Variants in XKR4 observed in about 807,000 individuals in gnomAD.
XKR4 encodes the protein XK-related protein 4.
XKR4 carries 12 observed loss-of-function variants against 53.9 expected under a neutral mutation model. The ratio of observed to expected loss-of-function variants is 0.22; its 90% CI spans 0.14 to 0.36. The LOEUF is 0.36. Among genes scored for constraint, XKR4 ranks in the 10% least tolerant of loss-of-function variants. The pLI, the probability that XKR4 is intolerant of heterozygous loss-of-function variation, is 1.00. For synonymous variants in XKR4, 354 were observed against 362.4 expected, an observed-to-expected ratio of 0.98 and a Z score of 0.26; for missense variants, 799 against 859.5, an observed-to-expected ratio of 0.93 and a Z score of 0.88.
At chr8:55,443,493 C>T (rs1056456828) in intron 2 of XKR4, among the ~76,000 whole-genome samples, 2 of 61,382 alleles carry the variant, frequency 3.3e-5, no homozygotes, top group African/African-American at 1.4e-4. Flanking sequence ...AAGAAAGAAA[C>T]AATACTGTTT....
At chr8:55,140,426 C>T (rs1321124966) in intron 1 of XKR4, among the ~76,000 whole-genome samples, 1 of 152,210 alleles carries the variant, frequency 6.6e-6, no homozygotes, top group African/African-American at 2.4e-5. Context: ...CAAGATGCTC[C>T]TGTTGCTGGG....
chr8:55,237,706 G>A lies in XKR4; in HGVS notation c.807-119972G>A, dbSNP rs575245001. 5.3e-4 allele frequency among the ~76,000 whole-genome samples: 80 copies of A among 152,238 alleles called. 1 individual carries two copies. In the South Asian group the frequency reaches 0.016, roughly 31 times the overall value. ...GAAGAACTAATACAAGGACTAAAGG[G>A]GATGAACACTGTGTGATGAACATGA... On this transcript the variant is annotated intron_variant, in intron 1 of 2. Transcript: ENST00000327381.
chr8:55,260,031 C>G (rs1403336627), intron 1 of XKR4, among the ~76,000 whole-genome samples: 2 of 151,464 alleles, frequency 1.3e-5, no homozygotes, highest in African/African-American at 4.8e-5. Flanking sequence ...ACTCCTCTAT[C>G]TCACTTGCTG....
chr8:55,141,645 T>TTCTCTCTCTCTCTCTCTC (rs138063196), intron 1 of XKR4, among the ~76,000 whole-genome samples: 1,569 of 111,918 alleles, frequency 0.014, 44 homozygotes, highest in African/African-American at 0.041. Context: ...GTGCTTCTGC[T>TTCTCTCTCTCTCTCTCTC]TCTCTCTCTC....
chr8:55,352,026 G>T (rs1049373614), intron 1 of XKR4, among the ~76,000 whole-genome samples: 2 of 152,128 alleles, frequency 1.3e-5, no homozygotes, highest in African/African-American at 4.8e-5. Flanking sequence ...TTCTTTATAG[G>T]GGTACAAAGA....
chr8:55,373,581 G>C (rs1447176665), intron 2 of XKR4, among the ~76,000 whole-genome samples: 1 of 152,158 alleles, frequency 6.6e-6, no homozygotes, highest in Non-Finnish European at 1.5e-5. Flanking sequence ...TTCCAGCATA[G>C]AGCCTTCAAT....
At chr8:55,380,628 AT>A (rs1210185185) in intron 2 of XKR4, among the ~76,000 whole-genome samples, 2 of 152,254 alleles carry the variant, frequency 1.3e-5, no homozygotes, top group African/African-American at 4.8e-5. Flanking sequence ...CTAATAAGTG[AT>A]TTATTATGGG....
intron 2 of XKR4, among the ~76,000 whole-genome samples, chr8:55,456,600 C>G (rs1274609153): frequency 1.3e-5 from 2 of 151,926 alleles, no homozygotes; most frequent in Non-Finnish European, 2.9e-5. Context: ...TGAAAAAGAA[C>G]CAAATAGAAA....
intron 1 of XKR4, among the ~76,000 whole-genome samples, chr8:55,349,787 G>A (rs1803700866): frequency 6.6e-6 from 1 of 151,966 alleles, no homozygotes; most frequent in Admixed American, 6.6e-5. Flanking sequence ...AAGAAAATAA[G>A]GACACTTATC....
chr8:55,286,261 T>C (rs1227035687), intron 1 of XKR4, among the ~76,000 whole-genome samples: 8 of 152,010 alleles, frequency 5.3e-5, no homozygotes, highest in Non-Finnish European at 8.8e-5. Flanking sequence ...GGTCAGAAGA[T>C]GGTGAGATGG....
intron 1 of XKR4, among the ~76,000 whole-genome samples, chr8:55,185,079 A>T (rs913909710): frequency 1.3e-5 from 2 of 152,234 alleles, no homozygotes; most frequent in Non-Finnish European, 2.9e-5. Context: ...GTTTCTGCAC[A>T]TAAACTGATC....
At chr8:55,513,749 C>A (rs906674443) in intron 2 of XKR4, among the ~76,000 whole-genome samples, 6 of 152,202 alleles carry the variant, frequency 3.9e-5, no homozygotes, top group African/African-American at 1.2e-4. Flanking sequence ...ACCACCTATG[C>A]CCATACTGTA....
At chr8:55,501,177 G>A (rs1806430889) in intron 2 of XKR4, among the ~76,000 whole-genome samples, 3 of 152,182 alleles carry the variant, frequency 2.0e-5, no homozygotes. Flanking sequence ...TGTATCTGGT[G>A]CCAAATTAGT....
intron 2 of XKR4, among the ~76,000 whole-genome samples, chr8:55,379,418 T>G (rs1804199830): frequency 6.6e-6 from 1 of 152,236 alleles, no homozygotes; most frequent in South Asian, 2.1e-4. Flanking sequence ...TTCAAAGAAA[T>G]GCTCTTTTTA....
intron 1 of XKR4, chr8:55,272,835 T>G (rs988512251): frequency 4.7e-6 from 2 of 424,474 alleles, no homozygotes; most frequent in Non-Finnish European, 9.2e-6. Context: ...CCAAGAATTA[T>G]GTTTTAGAGT....
At chr8:55,169,318 C>T (rs893454022) in intron 1 of XKR4, among the ~76,000 whole-genome samples, 1 of 152,168 alleles carries the variant, frequency 6.6e-6, no homozygotes, top group South Asian at 2.1e-4. Context: ...TGCCACTGAA[C>T]GCTGCAGGGA....
intron 1 of XKR4, among the ~76,000 whole-genome samples, chr8:55,216,726 T>TGA (rs1256923918): frequency 1.2e-5 from 1 of 82,034 alleles, no homozygotes; most frequent in South Asian, 3.6e-4. Context: ...AAATTGCATC[T>TGA]CAAAAAAAAA....
At chr8:55,500,465 T>C (rs1387285874) in intron 2 of XKR4, among the ~76,000 whole-genome samples, 1 of 152,212 alleles carries the variant, frequency 6.6e-6, no homozygotes, top group Admixed American at 6.5e-5. Context: ...AAGCACTTAT[T>C]AAGCAGCATG....
chr8:55,316,942 A>T (rs867511955), intron 1 of XKR4, among the ~76,000 whole-genome samples: 20 of 152,176 alleles, frequency 1.3e-4, no homozygotes, highest in African/African-American at 4.1e-4. Flanking sequence ...AGTATATCGG[A>T]TGTTAAAGGG....
Sources: gnomAD v4.1 joint callset for allele counts (sites outside exome capture counted in the v4.1 genomes callset) on GRCh38, gnomAD v4.1.1 for gene constraint, MANE v1.5 for transcripts, NCBI Gene and HGNC (gene_info 2026-07-23, HGNC 2026-07-21) for gene names.